EPDR1: variants seen among roughly 807,000 people sequenced by gnomAD.
The protein encoded by EPDR1 is ependymin related 1, also known as mammalian ependymin-related protein 1.
EPDR1 carries 27 observed loss-of-function variants against 23.7 expected under a neutral mutation model. The observed-to-expected ratio is 1.14, with a 90% confidence interval of 0.84 to 1.57. EPDR1 has a LOEUF of 1.57. EPDR1 is among the 40% of genes most tolerant of loss of function. EPDR1 has a pLI of 0.00. For synonymous variants in EPDR1, 137 were observed against 118.2 expected (o/e 1.16, Z -1.03); for missense variants, 349 against 290.4 (o/e 1.20, Z -1.47).
At position 37,926,586 on chromosome 7, in the gene EPDR1, G is replaced by T; in HGVS notation, c.269+5378G>T. On this transcript the variant is annotated intron_variant, in intron 1 of 2. Coordinates refer to ENST00000199448, the MANE Select transcript of EPDR1 (RefSeq NM_017549.5). Reference sequence around the variant, plus strand: ...GTTCCTAAGTCTTCCTTGCACTTTAGTGCTTTTAAAGATTGCAGGCCAGTT... The same window carrying T: ...GTTCCTAAGTCTTCCTTGCACTTTATTGCTTTTAAAGATTGCAGGCCAGTT... The T allele has an allele frequency of 7.2e-6, 3 of 415,232 alleles. No homozygotes were observed. In the Admixed American group the frequency reaches 7.3e-5, roughly 10 times the overall value. The allele number at this position is 415,232 out of a possible 1,614,324, so 25.7% of individuals were successfully genotyped here.
chr7:37,928,834 C>T (rs1174579797), intron 1 of EPDR1, among the ~76,000 whole-genome samples: 1 of 152,134 alleles, frequency 6.6e-6, no homozygotes, highest in African/African-American at 2.4e-5. Flanking sequence ...CTGACCATAC[C>T]TCTACTGTTA....
intron 1 of EPDR1, among the ~76,000 whole-genome samples, chr7:37,938,305 A>G (rs1786100828): frequency 6.6e-6 from 1 of 152,114 alleles, no homozygotes; most frequent in African/African-American, 2.4e-5. Flanking sequence ...AAATATTTTT[A>G]AAGATTAGGA....
intron 1 of EPDR1, among the ~76,000 whole-genome samples, chr7:37,922,935 G>C (rs1409176185): frequency 6.6e-6 from 1 of 152,220 alleles, no homozygotes; most frequent in Non-Finnish European, 1.5e-5. Flanking sequence ...CAAAACACCT[G>C]TACAGGTTTT....
At chr7:37,950,088 A>T in intron 2 of EPDR1, 112 bp from the exon 3 acceptor site, 1 of 791,822 alleles carries the variant, frequency 1.3e-6, no homozygotes, top group Non-Finnish European at 1.9e-6. Context: ...CCAAACACTT[A>T]AAAATGGTAA....
rs191387812 is a variant in EPDR1 at position 37,948,215 on chromosome 7, A to C, written c.270-625A>C. 3.3e-3 allele frequency among the ~76,000 whole-genome samples: 500 copies of C among 152,258 alleles called. 1 individual carries two copies. Among genetic ancestry groups the C allele is most frequent in the African/African-American group, 0.011 (476 of 41,546 alleles). Reference sequence around the variant, plus strand: ...TCCTCCTGTGTCTCTGTGGGTAAACAAAAGTTCACAAACCAGCTCTTCAGC... The same window carrying C: ...TCCTCCTGTGTCTCTGTGGGTAAACCAAAGTTCACAAACCAGCTCTTCAGC... On this transcript the variant is annotated intron_variant, in intron 1 of 2. Coordinates refer to ENST00000199448, the MANE Select transcript of EPDR1 (RefSeq NM_017549.5).
chr7:37,933,497 T>C (rs931692700), intron 1 of EPDR1, among the ~76,000 whole-genome samples: 1 of 152,236 alleles, frequency 6.6e-6, no homozygotes, highest in African/African-American at 2.4e-5. Context: ...GCCTCATATT[T>C]TCTCATCTGT....
At position 37,920,982 on chromosome 7, in the gene EPDR1, G is replaced by T; in HGVS notation, c.43G>T (p.Gly15Cys). 6.4e-7 allele frequency: 1 copy of T among 1,552,432 alleles called. No homozygotes were observed. The highest frequency in any genetic ancestry group is 1.4e-5 in the African/African-American group (1 of 73,900). Residue 15 changes from glycine (G) to cysteine (C), a missense_variant, in exon 1 of 3, where the codon GGT becomes TGT. Coordinates refer to ENST00000199448, the MANE Select transcript of EPDR1 (RefSeq NM_017549.5). Reference sequence around the variant, plus strand: ...CCTCCGCACCGTCCCGGGCGCCCTGGGTGCCTGGCTGCTGGGCGGCCTCTG... The same window carrying T: ...CCTCCGCACCGTCCCGGGCGCCCTGTGTGCCTGGCTGCTGGGCGGCCTCTG... ...APLRTVPGAL[G>C]AWLLGGLWAW...
chr7:37,923,814 T>C (rs1785761342), intron 1 of EPDR1, among the ~76,000 whole-genome samples: 1 of 152,230 alleles, frequency 6.6e-6, no homozygotes, highest in Non-Finnish European at 1.5e-5. Context: ...TGAATACTTA[T>C]AATGCCTAAT....
intron 2 of EPDR1, among the ~76,000 whole-genome samples, chr7:37,949,614 T>C (rs982270400): frequency 6.6e-6 from 1 of 152,174 alleles, no homozygotes; most frequent in Non-Finnish European, 1.5e-5. Flanking sequence ...TCTGTATATA[T>C]ATATATGCCC....
At chr7:37,940,104 A>G (rs76285042) in intron 1 of EPDR1, among the ~76,000 whole-genome samples, 6,801 of 152,312 alleles carry the variant, frequency 0.045, 306 homozygotes, top group Admixed American at 0.12. Context: ...CCATGAAAAA[A>G]TAGGGATAGT....
chr7:37,937,184 G>T (rs921717219), intron 1 of EPDR1, among the ~76,000 whole-genome samples: 4 of 152,044 alleles, frequency 2.6e-5, no homozygotes, highest in Admixed American at 6.6e-5. Context: ...CAGTGTTGTT[G>T]GAACAACTGA....
At chr7:37,926,308 A>G (rs1785807894) in intron 1 of EPDR1, among the ~76,000 whole-genome samples, 1 of 152,168 alleles carries the variant, frequency 6.6e-6, no homozygotes, top group Admixed American at 6.5e-5. Flanking sequence ...CCAAACTGAT[A>G]TACCCACGAT....
chr7:37,921,622 C>T (rs947954957), intron 1 of EPDR1, among the ~76,000 whole-genome samples: 1 of 152,214 alleles, frequency 6.6e-6, no homozygotes, highest in Non-Finnish European at 1.5e-5. Context: ...GCTAGAGAGG[C>T]ACGCAGAATA....
At chr7:37,928,001 C>T (rs1785852296) in intron 1 of EPDR1, among the ~76,000 whole-genome samples, 1 of 152,098 alleles carries the variant, frequency 6.6e-6, no homozygotes, top group Non-Finnish European at 1.5e-5. Context: ...ATTTAAGGGA[C>T]TTAATTCAGT....
At chr7:37,947,347 C>T (rs1786297398) in intron 1 of EPDR1, among the ~76,000 whole-genome samples, 1 of 152,168 alleles carries the variant, frequency 6.6e-6, no homozygotes, top group African/African-American at 2.4e-5. Flanking sequence ...TAGGCTGTAC[C>T]ATCCAGATTT....
chr7:37,949,325 G>A (rs1338462930), intron 2 of EPDR1, among the ~76,000 whole-genome samples: 3 of 152,098 alleles, frequency 2.0e-5, no homozygotes, highest in African/African-American at 7.2e-5. Flanking sequence ...GTCGTCCCGA[G>A]GTCTGTGACA....
At chr7:37,940,151 C>T (rs1302611372) in intron 1 of EPDR1, among the ~76,000 whole-genome samples, 1 of 152,026 alleles carries the variant, frequency 6.6e-6, no homozygotes, top group Non-Finnish European at 1.5e-5. Context: ...AAGCAAGATG[C>T]AGAAAGGTCT....
Position 37,920,925 on chromosome 7 carries a change from G to A in EPDR1, c.-15G>A. 6.2e-7 allele frequency: 1 copy of A among 1,609,958 alleles called. No homozygotes were observed. On this transcript the variant is annotated 5_prime_UTR_variant, in exon 1 of 3. Coordinates refer to ENST00000199448, the MANE Select transcript of EPDR1 (RefSeq NM_017549.5). ...GGGCTTGGGCTTGCCCTCGGGCCGG[G>A]GAAGGCTGACCGCGATGCCAGGACG...
chr7:37,931,330 A>G (rs1259661008), intron 1 of EPDR1, among the ~76,000 whole-genome samples: 5 of 152,134 alleles, frequency 3.3e-5, no homozygotes, highest in African/African-American at 4.8e-5. Flanking sequence ...CCTGGCCACC[A>G]TGGTGAAACC....
Sources: gnomAD v4.1 joint callset for allele counts (sites outside exome capture counted in the v4.1 genomes callset) on GRCh38, gnomAD v4.1.1 for gene constraint, MANE v1.5 for transcripts, NCBI Gene and HGNC (gene_info 2026-07-23, HGNC 2026-07-21) for gene names.